CACNA1S: variants seen among roughly 807,000 people sequenced by gnomAD.
CACNA1S encodes the protein voltage-dependent L-type calcium channel subunit alpha-1S.
In CACNA1S, 126 loss-of-function variants were observed where a neutral mutation model predicts 207.4. The observed-to-expected ratio is 0.61, with a 90% CI of 0.53 to 0.70. CACNA1S has a LOEUF of 0.70. Among genes scored for constraint, CACNA1S ranks in the 30% least tolerant of loss-of-function variants. CACNA1S has a pLI of 0.00. For missense variants in CACNA1S, 2,349 were observed against 2,422.8 expected (o/e 0.97, Z 0.64); for synonymous variants, 960 against 932.7 (o/e 1.03, Z -0.53).
chr1:201,092,284 G>A (rs1420296404), intron 3 of CACNA1S, among the ~76,000 whole-genome samples, 170 bp from the exon 4 acceptor site: 1 of 152,086 alleles, frequency 6.6e-6, no homozygotes, highest in Non-Finnish European at 1.5e-5. Flanking sequence ...GCTTATCTGG[G>A]GAATTTCACT....
intron 17 of CACNA1S, 123 bp downstream of exon 17, chr1:201,070,149 C>T: frequency 9.1e-7 from 1 of 1,099,150 alleles, no homozygotes. Flanking sequence ...AGATCTTAAG[C>T]TAAAACACTG....
chr1:201,104,786 G>A (rs1369891387), intron 2 of CACNA1S, among the ~76,000 whole-genome samples: 1 of 152,190 alleles, frequency 6.6e-6, no homozygotes, highest in East Asian at 1.9e-4. Flanking sequence ...TCTGATAATT[G>A]TTTTTGCTTT....
rs776311349 is a variant in CACNA1S, at chr1:201,089,373, C to T, written c.785G>A (p.Arg262Gln). The T allele has an allele frequency of 2.4e-5, 38 of 1,614,120 alleles. No homozygotes were observed. The highest frequency in any genetic ancestry group is 5.0e-5 in the Admixed American group (3 of 60,006). The change falls in exon 6 of 44, where the codon CGG (arginine) becomes CAG (glutamine). Residue 262 changes from arginine (R) to glutamine (Q), a missense_variant. Arg to Gln is a conservative substitution (Grantham distance 43, BLOSUM62 1). Transcript: ENST00000362061. ...ATGGTTGGGCCCTGGCCAGCCGCCC[C>T]GGCACTCACTGCCATTGATGGTGCA... ...RRCTINGSEC[R>Q]GGWPGPNHGI... is the part of the protein sequence containing the mutation.
intron 9 of CACNA1S, 96 bp from the exon 10 acceptor site, chr1:201,083,418 T>C: frequency 7.8e-7 from 1 of 1,289,638 alleles, no homozygotes; most frequent in Non-Finnish European, 1.1e-6. Flanking sequence ...ATGCGTAGCC[T>C]GACCACCCCA....
intron 21 of CACNA1S, 29 bp from the exon 22 acceptor site, chr1:201,065,974 G>A (rs1433695967): frequency 1.4e-6 from 2 of 1,460,270 alleles, no homozygotes; most frequent in Non-Finnish European, 1.9e-6. Flanking sequence ...ATGGGGACTG[G>A]GGGTGCACCC....
rs1170338839 is a variant in CACNA1S at position 201,054,668 on chromosome 1, G to A, written c.3610-107C>T. ...TCAGAAAGGACAGACACACAGAAGA[G>A]TTAAAGAGAAAAAGAGGCAGGGGCT... On this transcript the variant is annotated intron_variant, in intron 28 of 43. Transcript: ENST00000362061. 1.2e-5 allele frequency: 8 copies of A among 685,120 alleles called. No individual in the cohort carries two copies. In the Admixed American group the frequency reaches 1.3e-4, roughly 11 times the overall value. 42.4% of individuals were successfully genotyped at this position (685,120 alleles called of 1,614,324 possible).
At chr1:201,102,085 T>A (rs1460361701) in intron 2 of CACNA1S, among the ~76,000 whole-genome samples, 2 of 152,146 alleles carry the variant, frequency 1.3e-5, no homozygotes, top group East Asian at 3.8e-4. Context: ...GGCTTCCTTG[T>A]GCCTCCGAGC....
At chr1:201,108,898 C>T (rs1010872304) in intron 2 of CACNA1S, among the ~76,000 whole-genome samples, 1 of 152,152 alleles carries the variant, frequency 6.6e-6, no homozygotes, top group African/African-American at 2.4e-5. Flanking sequence ...TATAAGAGGG[C>T]TTCCCCTAGA....
chr1:201,112,404 C>T lies in CACNA1S; in HGVS notation c.-65G>A, dbSNP rs1037235472. The T allele has an allele frequency of 1.4e-5, 22 of 1,610,406 alleles. No homozygotes were observed. Among genetic ancestry groups the T allele is most frequent in the Admixed American group, 1.0e-4 (6 of 59,980 alleles). ...CCAGTGCTTTCCCTTCCCTGTGTCC[C>T]CAATGCCCCCGCCTTGGGGACTAGG... On this transcript the variant is annotated 5_prime_UTR_variant, in exon 1 of 44. Transcript: ENST00000362061.
At chr1:201,040,476 G>A in intron 42 of CACNA1S, 102 bp from the exon 43 acceptor site, 1 of 1,493,724 alleles carries the variant, frequency 6.7e-7, no homozygotes, top group Non-Finnish European at 9.2e-7. Context: ...AAGATCCACA[G>A]AAAGGGGAGG....
chr1:201,081,139 A>T (rs1291482885), intron 10 of CACNA1S, among the ~76,000 whole-genome samples: 1 of 152,124 alleles, frequency 6.6e-6, no homozygotes, highest in Non-Finnish European at 1.5e-5. Flanking sequence ...TAGGTATGAC[A>T]GTGCCAGTTC....
At chr1:201,040,409 G>A in intron 42 of CACNA1S, 35 bp from the exon 43 acceptor site, 1 of 1,609,746 alleles carries the variant, frequency 6.2e-7, no homozygotes. Flanking sequence ...GACCCCGACA[G>A]GGGTGCTGGA....
chr1:201,053,537 A>T lies in CACNA1S; in HGVS notation c.3717T>A (p.Arg1239=). The change falls in exon 30 of 44, where the codon CGT becomes CGA. Residue 1239 remains arginine (R), a synonymous_variant. Coordinates refer to ENST00000362061, the MANE Select transcript of CACNA1S (RefSeq NM_000069.3). This position sits in a 1 kb window ranked among gnomAD's most constrained non-coding sequence, Gnocchi z 5.1. ...TCAGCAGCTTGATCAGCCTCATGAC[A>T]CGGAACAGGCGGAAGAAGGCGCTGG... ...RISSAFFRLF[R]VMRLIKLLSR... is the part of the protein sequence containing the mutation. 2 of 1,613,522 alleles carry T rather than the reference A, an allele frequency of 1.2e-6. No individual in the cohort carries two copies. The highest frequency in any genetic ancestry group is 8.5e-7 in the Non-Finnish European group (1 of 1,179,766).
At position 201,040,633 on chromosome 1, in the gene CACNA1S, C is replaced by A. The variant is rs542268566; in HGVS notation, c.5215G>T (p.Ala1739Ser). 1 of 1,613,756 alleles carries A rather than the reference C, an allele frequency of 6.2e-7. No homozygotes were observed. Among genetic ancestry groups the A allele is most frequent in the Non-Finnish European group, 8.5e-7 (1 of 1,179,840 alleles). ...RAMPRGQAPP[A>S]PCQCPRVESS... ...TCTGCCACTGTTACCTGGCAGGGGGCAGGAGGTGCCTGGCCTCTGGGCATT... is the reference window on the plus strand; with the variant it reads ...TCTGCCACTGTTACCTGGCAGGGGGAAGGAGGTGCCTGGCCTCTGGGCATT... The change falls in exon 42 of 44, where the codon GCC becomes TCC. Residue 1739 changes from alanine to serine, a missense_variant. Transcript: ENST00000362061.
In CACNA1S at chr1:201,085,594, G is replaced by A. The variant is rs1470925747; in HGVS notation, c.1005-13C>T. 1 of 1,613,572 alleles carries A rather than the reference G, an allele frequency of 6.2e-7. No individual in the cohort carries two copies. The highest frequency in any genetic ancestry group is 2.2e-5 in the East Asian group (1 of 44,852). ...CTTGGTGAATTCCCTGAAATGAGAT[G>A]GGGGAGCCAGGAGAGGAGGAGAAGA... is the stretch of plus-strand genomic sequence containing the variant. On this transcript the variant is annotated splice_polypyrimidine_tract_variant and intron_variant, in intron 7 of 43. Transcript: ENST00000362061.
intron 38 of CACNA1S, among the ~76,000 whole-genome samples, chr1:201,046,157 T>TATTC: frequency 8.2e-6 from 1 of 121,314 alleles, no homozygotes; most frequent in South Asian, 2.3e-4. Context: ...GGGACATATT[T>TATTC]ATTTATTTAT....
rs762371236 is a variant in CACNA1S, at chr1:201,053,602, C to G, written c.3667-15G>C. The G allele has an allele frequency of 6.2e-7, 1 of 1,613,050 alleles. No individual in the cohort carries two copies. The highest frequency in any genetic ancestry group is 8.5e-7 in the Non-Finnish European group (1 of 1,179,660). On this transcript the variant is annotated splice_polypyrimidine_tract_variant and intron_variant, in intron 29 of 43. Transcript: ENST00000362061. This position sits in a 1 kb window ranked among gnomAD's most constrained non-coding sequence, Gnocchi z 5.1. Reference sequence around the variant, plus strand: ...TCATCTGGGTCCTGCGGGGCAGCAGCCCCAGAGGTCAGTCTGGGGGCAGAA... The same window carrying G: ...TCATCTGGGTCCTGCGGGGCAGCAGGCCCAGAGGTCAGTCTGGGGGCAGAA...
rs536154839 is a variant in CACNA1S at position 201,068,997 on chromosome 1, G to C, written c.2550+140C>G. 54 of 761,478 alleles carry C rather than the reference G, an allele frequency of 7.1e-5. 1 individual carries two copies. In the South Asian group the frequency reaches 7.5e-4, roughly 11 times the overall value. The allele number at this position is 761,478 out of a possible 1,614,324, so 47.2% of individuals were successfully genotyped here. A position where few individuals can be genotyped will look rare whatever the true frequency, so the allele number is the denominator to read the frequency against. The stretch of plus-strand genomic sequence containing the variant: ...CCATCCAGATACTTGTGGGCCTGCC[G>C]GTGTGCTGGGTCCCATGAGTCTTTC... On this transcript the variant is annotated intron_variant, in intron 19 of 43. Transcript: ENST00000362061.
Position 201,048,693 on chromosome 1 carries a change from G to A in CACNA1S, c.4339-9C>T, listed in dbSNP as rs1183463673. 4 of 1,610,832 alleles carry A rather than the reference G, an allele frequency of 2.5e-6. No individual in the cohort carries two copies. In the African/African-American group the frequency reaches 5.3e-5, roughly 22 times the overall value. ...TTCATGCCCACCAGCCGCTGTACAG[G>A]GAGACGCAGTGGCCTGCCGCTGAGC... is the stretch of plus-strand genomic sequence containing the variant. On this transcript the variant is annotated splice_polypyrimidine_tract_variant and intron_variant, in intron 35 of 43. Transcript: ENST00000362061.
Sources: gnomAD v4.1 joint callset for allele counts (sites outside exome capture counted in the v4.1 genomes callset) on GRCh38, gnomAD v4.1.1 for gene constraint, Gnocchi (gnomAD v3.1) non-coding constraint, MANE v1.5 for transcripts, NCBI Gene and HGNC (gene_info 2026-07-23, HGNC 2026-07-21) for gene names.